AARS1: variants seen among roughly 807,000 people sequenced by gnomAD.
AARS1 encodes alanine--tRNA ligase, cytoplasmic.
AARS1 carries 72 observed loss-of-function variants against 108.9 expected under a neutral mutation model. That is an observed-to-expected ratio of 0.66 (90% confidence interval 0.55 to 0.80). The LOEUF is 0.80. Ranked by LOEUF, AARS1 falls within the 30% of genes least tolerant of loss-of-function variation. The pLI is 0.00. For missense variants in AARS1, 1,193 were observed against 1,233.2 expected (o/e 0.97, Z 0.49); for synonymous variants, 489 against 465.7 (o/e 1.05, Z -0.64).
chr16:70,276,647 A>C lies in AARS1; in HGVS notation c.334-16T>G. On this transcript the variant is annotated splice_polypyrimidine_tract_variant and intron_variant, in intron 3 of 20. Coordinates refer to ENST00000261772, the MANE Select transcript of AARS1 (RefSeq NM_001605.3). ...ATGCCAATTCCTACAAAAAGAACAGAGAGAAAGATATGGAACATTGCCAAA... is the reference window on the plus strand; with the variant it reads ...ATGCCAATTCCTACAAAAAGAACAGCGAGAAAGATATGGAACATTGCCAAA... 1 of 1,613,600 alleles carries C rather than the reference A, an allele frequency of 6.2e-7. No homozygotes were observed. The highest frequency in any genetic ancestry group is 8.5e-7 in the Non-Finnish European group (1 of 1,179,990).
Position 70,258,226 on chromosome 16 carries a change from C to T in AARS1, c.1993-9G>A, listed in dbSNP as rs1410746723. On this transcript the variant is annotated splice_polypyrimidine_tract_variant and intron_variant, in intron 14 of 20. Coordinates refer to ENST00000261772, the MANE Select transcript of AARS1 (RefSeq NM_001605.3). ...TCCTGGGTATAGACGGCCTGCCAGA[C>T]CAAGAAGACAGAAAAGAGCTGGAAG... is the stretch of plus-strand genomic sequence containing the variant. The T allele has an allele frequency of 1.9e-6, 3 of 1,580,750 alleles. No homozygotes were observed. Among genetic ancestry groups the T allele is most frequent in the African/African-American group, 1.4e-5 (1 of 73,988 alleles).
chr16:70,273,158 T>C (rs1960451157), intron 4 of AARS1, among the ~76,000 whole-genome samples: 1 of 151,720 alleles, frequency 6.6e-6, no homozygotes, highest in Admixed American at 6.6e-5. Context: ...AGAGTAAAAG[T>C]AATTAAAAAA....
At chr16:70,254,495 C>G in intron 17 of AARS1, 126 bp downstream of exon 17, 1 of 736,180 alleles carries the variant, frequency 1.4e-6, no homozygotes, top group Non-Finnish European at 2.4e-6. Context: ...TACAGGACAA[C>G]AGAAGTCAGC....
At position 70,254,613 on chromosome 16, in the gene AARS1, G is replaced by C. The variant is rs113824201; in HGVS notation, c.2400+8C>G. On this transcript the variant is annotated splice_region_variant and intron_variant, in intron 17 of 20. Transcript: ENST00000261772. ...CCCTGAGGACGGAGGGAGGGAAGCC[G>C]CCCCTACCTCTCCAAGGTCAGCGAT... The C allele has an allele frequency of 6.3e-7, 1 of 1,598,546 alleles. No homozygotes were observed. The highest frequency in any genetic ancestry group is 1.3e-5 in the African/African-American group (1 of 74,752).
rs56394253 is a variant in AARS1, at chr16:70,269,322, GAAAAAAAAAAAAAAAAAAA to G, written c.962+277_962+295del. On this transcript the variant is annotated intron_variant, in intron 7 of 20. Transcript: ENST00000261772. ...GCAACAAAAGCAAAATTCTGTCTCAGAAAAAAAAAAAAAAAAAAAAAAAAAAAAAAAAAAAAAACAACCG... is the reference window on the plus strand; with the variant it reads ...GCAACAAAAGCAAAATTCTGTCTCAGAAAAAAAAAAAAAAAAAAACAACCG... Among the ~76,000 whole-genome samples the G allele has an allele frequency of 6.7e-4, 43 of 64,268 alleles. 1 individual carries two copies. The highest frequency in any genetic ancestry group is 2.5e-3 in the East Asian group (5 of 1,982). 42.2% of individuals were successfully genotyped at this position (64,268 alleles called of 152,430 possible). A position where few individuals can be genotyped will look rare whatever the true frequency, so the allele number is the denominator to read the frequency against.
chr16:70,261,671 ATT>A (rs11385686), intron 12 of AARS1, among the ~76,000 whole-genome samples: 4 of 131,786 alleles, frequency 3.0e-5, no homozygotes, highest in Non-Finnish European at 6.2e-5. Context: ...GCATCTTAGA[ATT>A]TTTTTTTTTT....
chr16:70,262,456 T>C lies in AARS1; in HGVS notation c.1561A>G (p.Thr521Ala), dbSNP rs369465026. ...REKMFVEEVS[T>A]GQECGVVLDK... ...AGCACCACTCCACACTCCTGGCCTG[T>C]GGACACCTCTTCCACGAACATCTTC... Residue 521 changes from threonine to alanine, a missense_variant, in exon 12 of 21, where the codon ACA (threonine) becomes GCA (alanine). Thr to Ala is a moderately conservative substitution (Grantham distance 58). Coordinates refer to ENST00000261772, the MANE Select transcript of AARS1 (RefSeq NM_001605.3). The C allele has an allele frequency of 1.9e-6, 3 of 1,614,180 alleles. No homozygotes were observed. The highest frequency in any genetic ancestry group is 1.7e-6 in the Non-Finnish European group (2 of 1,180,028).
chr16:70,284,172 G>A (rs941790819), intron 1 of AARS1, among the ~76,000 whole-genome samples: 1 of 152,092 alleles, frequency 6.6e-6, no homozygotes, highest in Non-Finnish European at 1.5e-5. Flanking sequence ...CGGGCGTGGT[G>A]GCAGGCGCCT....
chr16:70,280,995 T>G (rs1421887113), intron 2 of AARS1, among the ~76,000 whole-genome samples: 1 of 152,052 alleles, frequency 6.6e-6, no homozygotes, highest in Non-Finnish European at 1.5e-5. Context: ...ACCTGGCTAA[T>G]TTTTTGTATT....
At chr16:70,263,295 G>C (rs1960189122) in intron 11 of AARS1, among the ~76,000 whole-genome samples, 1 of 152,128 alleles carries the variant, frequency 6.6e-6, no homozygotes, top group African/African-American at 2.4e-5. Context: ...TTCTCAGCCG[G>C]GCACGGTGGC....
chr16:70,265,440 C>G (rs997041622), intron 10 of AARS1, 98 bp downstream of exon 10: 18 of 1,584,036 alleles, frequency 1.1e-5, no homozygotes, highest in Non-Finnish European at 1.4e-5. Context: ...AAAAGCACTT[C>G]AAAGACTTTA....
At chr16:70,287,786 G>C (rs896816377) in intron 1 of AARS1, among the ~76,000 whole-genome samples, 5 of 151,916 alleles carry the variant, frequency 3.3e-5, no homozygotes, top group Admixed American at 3.3e-4. Context: ...TTTTTGAGAC[G>C]GTGTTTCGCT....
chr16:70,253,116 C>T, intron 20 of AARS1, 152 bp downstream of exon 20: 1 of 871,204 alleles, frequency 1.1e-6, no homozygotes, highest in South Asian at 1.4e-5. Context: ...AACCAGATGT[C>T]TTCACCAATA....
intron 9 of AARS1, among the ~76,000 whole-genome samples, chr16:70,266,487 C>G (rs1194759569): frequency 6.6e-6 from 1 of 151,130 alleles, no homozygotes; most frequent in South Asian, 2.1e-4. Flanking sequence ...CAGAGTGAGA[C>G]TCCATCTCAA....
At chr16:70,279,314 G>A (rs1343417723) in intron 2 of AARS1, among the ~76,000 whole-genome samples, 1 of 119,980 alleles carries the variant, frequency 8.3e-6, no homozygotes, top group East Asian at 2.7e-4. Flanking sequence ...TTGCGTCACT[G>A]AATTCCAGCT....
chr16:70,253,029 G>T, intron 20 of AARS1, 123 bp from the exon 21 acceptor site: 3 of 1,167,808 alleles, frequency 2.6e-6, no homozygotes, highest in Non-Finnish European at 2.5e-6. Context: ...GCTGGAGGCC[G>T]AGACAGACTT....
At chr16:70,257,139 C>G (rs1427587889) in intron 15 of AARS1, among the ~76,000 whole-genome samples, 1 of 151,994 alleles carries the variant, frequency 6.6e-6, no homozygotes, top group Non-Finnish European at 1.5e-5. Flanking sequence ...GTCCCAGCTA[C>G]TCAGGAGGCT....
chr16:70,267,624 G>T, intron 9 of AARS1, 35 bp downstream of exon 9: 5 of 1,613,748 alleles, frequency 3.1e-6, no homozygotes, highest in Non-Finnish European at 4.2e-6. Flanking sequence ...AAGATCAAAC[G>T]GCCAGGATGG....
Position 70,259,148 on chromosome 16 carries a change from C to A in AARS1, c.1824G>T (p.Thr608=), listed in dbSNP as rs199644417. 3 of 1,614,008 alleles carry A rather than the reference C, an allele frequency of 1.9e-6. No homozygotes were observed. Among genetic ancestry groups the A allele is most frequent in the Admixed American group, 1.7e-5 (1 of 59,992 alleles). ...AGCGCAGGGCGAAGTTCAGAATGTGCGTAGCTGTGTGGTTGCTCATGATGG... is the reference window on the plus strand; with the variant it reads ...AGCGCAGGGCGAAGTTCAGAATGTGAGTAGCTGTGTGGTTGCTCATGATGG... ...RRPIMSNHTA[T]HILNFALRSV... The change falls in exon 14 of 21, where the codon ACG becomes ACT. Residue 608 remains threonine (T), a synonymous_variant. Coordinates refer to ENST00000261772, the MANE Select transcript of AARS1 (RefSeq NM_001605.3).
Sources: allele counts gnomAD v4.1 joint callset (sites outside exome capture counted in the v4.1 genomes callset), GRCh38; gene constraint gnomAD v4.1.1; transcripts MANE v1.5; gene names NCBI Gene and HGNC (gene_info 2026-07-23, HGNC 2026-07-21).